PPP1R12A: variants seen among roughly 807,000 people sequenced by gnomAD.
PPP1R12A encodes the protein protein phosphatase 1 regulatory subunit 12A, also known as myosin binding subunit.
PPP1R12A carries 19 observed loss-of-function variants against 139.6 expected under a neutral mutation model. The ratio of observed to expected loss-of-function variants is 0.14; its 90% CI spans 0.09 to 0.20. PPP1R12A has a LOEUF of 0.20. PPP1R12A is among the 10% of genes least tolerant of loss of function. PPP1R12A has a pLI of 1.00. For synonymous variants in PPP1R12A, 427 were observed against 420.6 expected, an observed-to-expected ratio of 1.02 and a Z score of -0.19; for missense variants, 925 against 1,211.5, an observed-to-expected ratio of 0.76 and a Z score of 3.51.
chr12:79,924,467 C>A (rs578079024), intron 1 of PPP1R12A, among the ~76,000 whole-genome samples: 33 of 152,202 alleles, frequency 2.2e-4, no homozygotes, highest in Non-Finnish European at 3.7e-4. Context: ...CTCACTCTGT[C>A]GTTCAGGCTA....
At chr12:79,870,958 A>G (rs1238719638) in intron 2 of PPP1R12A, among the ~76,000 whole-genome samples, 1 of 152,218 alleles carries the variant, frequency 6.6e-6, no homozygotes. Context: ...TGATGTACAC[A>G]GAATACAGGG....
intron 1 of PPP1R12A, among the ~76,000 whole-genome samples, chr12:79,917,193 G>C (rs1453677293): frequency 6.6e-6 from 1 of 152,102 alleles, no homozygotes; most frequent in African/African-American, 2.4e-5. Flanking sequence ...GTTATACAGA[G>C]TTAAGAGTTT....
chr12:79,816,287 A>C lies in PPP1R12A; in HGVS notation c.1239+1107T>G, dbSNP rs370917134. ...TAATAACATAATAGTATTATACCAA[A>C]GTTAAATTTCCTAAGTGTGATTATT... On this transcript the variant is annotated intron_variant, in intron 9 of 24. Transcript: ENST00000450142. Among the ~76,000 whole-genome samples, 54 of 152,320 alleles carry C rather than the reference A, an allele frequency of 3.5e-4. 2 individuals are homozygous for C. In the South Asian group the frequency reaches 0.011, roughly 31 times the overall value.
chr12:79,805,311 T>A (rs1361674531), intron 14 of PPP1R12A, among the ~76,000 whole-genome samples: 4 of 152,224 alleles, frequency 2.6e-5, no homozygotes, highest in Non-Finnish European at 5.9e-5. Context: ...AAATTTTTTT[T>A]GAAATAAACC....
At chr12:79,929,489 G>A (rs1469209332) in intron 1 of PPP1R12A, among the ~76,000 whole-genome samples, 2 of 152,100 alleles carry the variant, frequency 1.3e-5, no homozygotes, top group Admixed American at 6.6e-5. Context: ...TTTTAGGCCG[G>A]CCACAGTGGC....
chr12:79,829,590 G>GCCTA (rs1171054105), intron 4 of PPP1R12A, among the ~76,000 whole-genome samples: 5 of 151,796 alleles, frequency 3.3e-5, no homozygotes, highest in African/African-American at 1.2e-4. Flanking sequence ...TCATATCATT[G>GCCTA]CCTATCACCT....
At chr12:79,895,694 G>C (rs1379262657) in intron 1 of PPP1R12A, among the ~76,000 whole-genome samples, 1 of 152,124 alleles carries the variant, frequency 6.6e-6, no homozygotes, top group Non-Finnish European at 1.5e-5. Flanking sequence ...CCAGAGAATA[G>C]CTTTCAGAAA....
intron 1 of PPP1R12A, among the ~76,000 whole-genome samples, chr12:79,918,078 ATTCTTTACTAATTC>A (rs1459259016): frequency 1.3e-5 from 2 of 152,136 alleles, no homozygotes; most frequent in Non-Finnish European, 2.9e-5. Flanking sequence ...TTACTTAGAA[ATTCTTTACTAATTC>A]TTCTGAACTG....
intron 2 of PPP1R12A, among the ~76,000 whole-genome samples, chr12:79,863,935 CAG>C (rs1409811504): frequency 6.6e-6 from 1 of 152,100 alleles, no homozygotes; most frequent in African/African-American, 2.4e-5. Context: ...ATCAACGAGA[CAG>C]AAAATTAACA....
intron 23 of PPP1R12A, among the ~76,000 whole-genome samples, chr12:79,781,537 A>C (rs1272473737): frequency 6.6e-6 from 1 of 152,092 alleles, no homozygotes; most frequent in Admixed American, 6.6e-5. Flanking sequence ...TCACTATCAA[A>C]ATGTGTATAG....
chr12:79,823,555 G>A (rs1876395169), intron 5 of PPP1R12A, among the ~76,000 whole-genome samples: 1 of 148,842 alleles, frequency 6.7e-6, no homozygotes, highest in African/African-American at 2.5e-5. Context: ...CCCATTGTCT[G>A]TTAATAAAAT....
chr12:79,881,556 T>G (rs1435165024), intron 1 of PPP1R12A, among the ~76,000 whole-genome samples: 1 of 152,178 alleles, frequency 6.6e-6, no homozygotes, highest in African/African-American at 2.4e-5. Context: ...AGTTGATTCA[T>G]GAGGTTTAAG....
intron 16 of PPP1R12A, 24 bp from the exon 17 acceptor site, chr12:79,796,974 C>A: frequency 6.4e-7 from 1 of 1,570,224 alleles, no homozygotes; most frequent in Non-Finnish European, 8.6e-7. Flanking sequence ...AGATCAAAAC[C>A]CATTTGAAAC....
At chr12:79,910,716 T>C (rs368860495) in intron 1 of PPP1R12A, among the ~76,000 whole-genome samples, 1 of 152,208 alleles carries the variant, frequency 6.6e-6, no homozygotes. Flanking sequence ...AGGCTAGTCA[T>C]AACACAAAGA....
At chr12:79,811,493 G>A (rs1171149428) in intron 9 of PPP1R12A, among the ~76,000 whole-genome samples, 1 of 152,142 alleles carries the variant, frequency 6.6e-6, no homozygotes, top group Non-Finnish European at 1.5e-5. Flanking sequence ...GAGACAAACA[G>A]GCAATTCCTT....
rs906714590 is a variant in PPP1R12A, at chr12:79,888,844, G to A, written c.238-15906C>T. ...TCAGCATCTGTACCCCTAACCAATA[G>A]GCTACACAACTAAACAGCAGCAGCA... is the stretch of plus-strand genomic sequence containing the variant. On this transcript the variant is annotated intron_variant, in intron 1 of 24. Coordinates refer to ENST00000450142, the MANE Select transcript of PPP1R12A (RefSeq NM_002480.3). 2.0e-5 allele frequency among the ~76,000 whole-genome samples: 3 copies of A among 152,060 alleles called. No individual in the cohort carries two copies. The East Asian group carries it at 5.8e-4, about 29-fold the overall frequency.
chr12:79,831,754 G>A (rs1877459986), intron 4 of PPP1R12A, among the ~76,000 whole-genome samples: 1 of 152,076 alleles, frequency 6.6e-6, no homozygotes, highest in Non-Finnish European at 1.5e-5. Flanking sequence ...TTGCATTGCA[G>A]AAGTAAAAAT....
Position 79,806,353 on chromosome 12 carries a change from C to T in PPP1R12A, c.1656-20G>A, listed in dbSNP as rs1453248952. 3 of 1,601,686 alleles carry T rather than the reference C, an allele frequency of 1.9e-6. No individual in the cohort carries two copies. Among genetic ancestry groups the T allele is most frequent in the Non-Finnish European group, 1.7e-6 (2 of 1,169,680 alleles). On this transcript the variant is annotated intron_variant, in intron 12 of 24. Transcript: ENST00000450142. Reference sequence around the variant, plus strand: ...GAGCAACTAAACAAAAGAGTCATATCTATATAGGATGTGTTTGTATGTGTA... The same window carrying T: ...GAGCAACTAAACAAAAGAGTCATATTTATATAGGATGTGTTTGTATGTGTA...
At chr12:79,855,249 A>G (rs1056031686) in intron 2 of PPP1R12A, among the ~76,000 whole-genome samples, 2 of 152,000 alleles carry the variant, frequency 1.3e-5, no homozygotes, top group African/African-American at 4.8e-5. Flanking sequence ...CAGCCTCCCA[A>G]AGTGCTGGGA....
Sources: gnomAD v4.1 joint callset for allele counts (sites outside exome capture counted in the v4.1 genomes callset) on GRCh38, gnomAD v4.1.1 for gene constraint, MANE v1.5 for transcripts, NCBI Gene and HGNC (gene_info 2026-07-23, HGNC 2026-07-21) for gene names.